ANO3: variants seen among roughly 807,000 people sequenced by gnomAD.
ANO3 encodes the protein anoctamin-3.
ANO3 carries 99 observed loss-of-function variants against 144.8 expected under a neutral mutation model. The observed-to-expected ratio is 0.68, with a 90% CI of 0.58 to 0.81. ANO3 has a LOEUF of 0.81. Among genes scored for constraint, ANO3 ranks in the 30% least tolerant of loss-of-function variants. The pLI, the probability that ANO3 is intolerant of heterozygous loss-of-function variation, is 0.00. For synonymous variants in ANO3, 414 were observed against 392.6 expected (o/e 1.05, Z -0.64); for missense variants, 905 against 1,202.2 (o/e 0.75, Z 3.66).
intron 1 of ANO3, among the ~76,000 whole-genome samples, chr11:26,362,092 G>C (rs899212258): frequency 7.9e-5 from 12 of 152,086 alleles, no homozygotes; most frequent in African/African-American, 2.9e-4. Context: ...TTCTTTCCCT[G>C]ATGCCTACGC....
chr11:26,254,702 C>G (rs1338939959), intron 1 of ANO3, among the ~76,000 whole-genome samples: 1 of 152,124 alleles, frequency 6.6e-6, no homozygotes, highest in African/African-American at 2.4e-5. Context: ...ATAAAGAACA[C>G]ACACTAAGCA....
intron 1 of ANO3, among the ~76,000 whole-genome samples, chr11:26,336,317 G>T (rs936967558): frequency 6.6e-6 from 1 of 152,152 alleles, no homozygotes; most frequent in Non-Finnish European, 1.5e-5. Flanking sequence ...AACACAGCCT[G>T]TCCCAAAAGA....
chr11:26,370,956 T>G (rs1856236322), intron 1 of ANO3, among the ~76,000 whole-genome samples: 2 of 152,170 alleles, frequency 1.3e-5, no homozygotes, highest in South Asian at 2.1e-4. Flanking sequence ...AACCCATTTT[T>G]GGGGAGAAAT....
At chr11:26,526,911 A>G (rs1475356324) in intron 7 of ANO3, among the ~76,000 whole-genome samples, 1 of 152,082 alleles carries the variant, frequency 6.6e-6, no homozygotes, top group Non-Finnish European at 1.5e-5. Flanking sequence ...AGTCATTGGA[A>G]TATTACAATT....
At chr11:26,218,326 A>T (rs891248501) in intron 1 of ANO3, among the ~76,000 whole-genome samples, 2 of 149,644 alleles carry the variant, frequency 1.3e-5, no homozygotes, top group African/African-American at 4.9e-5. Context: ...TCCTGGAGCA[A>T]TCTAGAACCC....
chr11:26,260,571 A>G (rs1449027298), intron 1 of ANO3, among the ~76,000 whole-genome samples: 1 of 152,130 alleles, frequency 6.6e-6, no homozygotes, highest in Non-Finnish European at 1.5e-5. Context: ...ATAACACTTT[A>G]GAAGGGAACA....
At chr11:26,566,838 T>C (rs1025707048) in intron 14 of ANO3, among the ~76,000 whole-genome samples, 3 of 151,902 alleles carry the variant, frequency 2.0e-5, no homozygotes, top group African/African-American at 2.4e-5. Flanking sequence ...ATAATCACCA[T>C]AATAAGCAGT....
chr11:26,393,784 T>C (rs2133965405), intron 1 of ANO3, among the ~76,000 whole-genome samples: 1 of 152,312 alleles, frequency 6.6e-6, no homozygotes, highest in South Asian at 2.1e-4. Flanking sequence ...TTGGGAGTTG[T>C]TATTGGCATA....
chr11:26,217,620 G>A (rs760447707), intron 1 of ANO3, among the ~76,000 whole-genome samples: 15 of 151,998 alleles, frequency 9.9e-5, no homozygotes, highest in Non-Finnish European at 2.2e-4. Flanking sequence ...ACATAGGGGT[G>A]ATGTAAAGTC....
At chr11:26,323,964 C>A (rs559710343) in intron 1 of ANO3, among the ~76,000 whole-genome samples, 1 of 152,222 alleles carries the variant, frequency 6.6e-6, no homozygotes, top group East Asian at 1.9e-4. Context: ...AGCTGCCTAG[C>A]AGCACATGCT....
chr11:26,531,768 AT>A (rs1209063700), intron 8 of ANO3, among the ~76,000 whole-genome samples: 2 of 152,182 alleles, frequency 1.3e-5, no homozygotes, highest in Non-Finnish European at 2.9e-5. Flanking sequence ...TTTTAGTTCA[AT>A]CTTATTAAAC....
chr11:26,306,807 C>T (rs918845624), upstream of ANO3, among the ~76,000 whole-genome samples: 2 of 152,202 alleles, frequency 1.3e-5, no homozygotes, highest in Admixed American at 6.5e-5. Context: ...GTGAGGTCTC[C>T]TAAGTATGAA....
chr11:26,509,275 TTAAC>T (rs1422753274), intron 5 of ANO3, among the ~76,000 whole-genome samples: 4 of 152,228 alleles, frequency 2.6e-5, no homozygotes, highest in Non-Finnish European at 2.9e-5. Flanking sequence ...AGAAAATCAA[TTAAC>T]TAACTATTAC....
At chr11:26,313,908 T>C (rs1364457351) in intron 1 of ANO3, among the ~76,000 whole-genome samples, 1 of 137,328 alleles carries the variant, frequency 7.3e-6, no homozygotes, top group African/African-American at 3.1e-5. Context: ...AAAAAGAGAG[T>C]ACCTAAAAAA....
intron 1 of ANO3, among the ~76,000 whole-genome samples, chr11:26,390,427 A>C (rs915225153): frequency 1.3e-5 from 2 of 152,128 alleles, no homozygotes; most frequent in African/African-American, 4.8e-5. Context: ...CTCCCAAAAA[A>C]CTTGATGTGG....
intron 7 of ANO3, among the ~76,000 whole-genome samples, chr11:26,530,872 A>AAAAAAC (rs935955320): frequency 3.9e-5 from 6 of 152,170 alleles, no homozygotes; most frequent in African/African-American, 7.2e-5. Context: ...TCTCAAAGAA[A>AAAAAAC]AAAAACAAAA....
intron 1 of ANO3, among the ~76,000 whole-genome samples, chr11:26,348,219 G>A (rs909589036): frequency 9.2e-5 from 14 of 151,828 alleles, no homozygotes; most frequent in Admixed American, 2.0e-4. Flanking sequence ...AATTCTTTAC[G>A]AAGTTAGATA....
intron 10 of ANO3, among the ~76,000 whole-genome samples, chr11:26,538,298 C>A (rs570701053): frequency 2.0e-5 from 3 of 152,064 alleles, no homozygotes; most frequent in Non-Finnish European, 2.9e-5. Flanking sequence ...ATATCAAAGG[C>A]GCAGTTTTGA....
At chr11:26,646,043 A>T (rs190338478) in intron 23 of ANO3, among the ~76,000 whole-genome samples, 1 of 152,190 alleles carries the variant, frequency 6.6e-6, no homozygotes, top group Non-Finnish European at 1.5e-5. Flanking sequence ...AACAGTTAGT[A>T]ATCTTTCACC....
Sources: gnomAD v4.1 joint callset for allele counts (sites outside exome capture counted in the v4.1 genomes callset) on GRCh38, gnomAD v4.1.1 for gene constraint, MANE v1.5 for transcripts, NCBI Gene and HGNC (gene_info 2026-07-23, HGNC 2026-07-21) for gene names.